BTN3A1: variants seen among roughly 807,000 people sequenced by gnomAD.
BTN3A1 encodes the protein butyrophilin subfamily 3 member A1.
A neutral mutation model predicts 43.0 loss-of-function variants in BTN3A1; 24 were observed. The observed-to-expected ratio is 0.56, with a 90% CI of 0.40 to 0.78. The LOEUF (loss-of-function observed/expected upper bound fraction) is 0.78. Among genes scored for constraint, BTN3A1 ranks in the 30% least tolerant of loss-of-function variants. The pLI is 0.00. For synonymous variants in BTN3A1, 181 were observed against 234.7 expected (o/e 0.77, Z 2.09); for missense variants, 533 against 626.2 (o/e 0.85, Z 1.59).
In BTN3A1 at chr6:26,413,203, C is replaced by G; in HGVS notation, c.1053C>G (p.Pro351=). Residue 351 remains proline, a synonymous_variant, in exon 10 of 10, where the codon CCC becomes CCG. Transcript: ENST00000289361. ...TTCTGGATCCAAAAACAGCAAACCCCATCCTCCTTGTTTCTGAGGACCAGA... is the reference window on the plus strand; with the variant it reads ...TTCTGGATCCAAAAACAGCAAACCCGATCCTCCTTGTTTCTGAGGACCAGA... The part of the protein sequence containing the change: ...DVILDPKTAN[P]ILLVSEDQRS... 1 of 1,613,968 alleles carries G rather than the reference C, an allele frequency of 6.2e-7. No homozygotes were observed. Among genetic ancestry groups the G allele is most frequent in the Non-Finnish European group, 8.5e-7 (1 of 1,179,914 alleles).
At chr6:26,405,751 A>C in intron 2 of BTN3A1, 103 bp downstream of exon 2, 1 of 1,580,254 alleles carries the variant, frequency 6.3e-7, no homozygotes, top group Admixed American at 1.7e-5. Context: ...TCCCGATCTG[A>C]AGGTTCACCC....
At chr6:26,405,236 G>C (rs980132114) in intron 1 of BTN3A1, 136 bp from the exon 2 acceptor site, 2 of 398,724 alleles carry the variant, frequency 5.0e-6, no homozygotes, top group African/African-American at 4.0e-5. Context: ...GCATGAATCA[G>C]AGGGGGATTG....
intron 9 of BTN3A1, chr6:26,412,730 C>T: frequency 6.4e-7 from 1 of 1,551,396 alleles, no homozygotes; most frequent in South Asian, 1.2e-5. Flanking sequence ...AGATGAGGCT[C>T]CACTTTGTTA....
intron 7 of BTN3A1, 28 bp from the exon 8 acceptor site, chr6:26,411,081 T>G (rs1352471136): frequency 2.5e-6 from 4 of 1,586,082 alleles, no homozygotes; most frequent in Non-Finnish European, 2.6e-6. Flanking sequence ...CAAGTTCAGG[T>G]GACATCTCTA....
In BTN3A1 at chr6:26,410,047, C is replaced by G. The variant is rs778349430; in HGVS notation, c.964+15C>G. On this transcript the variant is annotated intron_variant, in intron 7 of 9. Transcript: ENST00000289361. ...GTATGCATCTCGTAAGTGCCTCTGACATTTTCTCTGAATTTGAATCTATAA... is the reference window on the plus strand; with the variant it reads ...GTATGCATCTCGTAAGTGCCTCTGAGATTTTCTCTGAATTTGAATCTATAA... 1 of 1,613,760 alleles carries G rather than the reference C, an allele frequency of 6.2e-7. No individual in the cohort carries two copies. Among genetic ancestry groups the G allele is most frequent in the South Asian group, 1.1e-5 (1 of 91,068 alleles).
Position 26,411,095 on chromosome 6 carries a change from T to G in BTN3A1, c.965-14T>G. The G allele has an allele frequency of 6.2e-7, 1 of 1,605,250 alleles. No homozygotes were observed. Among genetic ancestry groups the G allele is most frequent in the Non-Finnish European group, 8.5e-7 (1 of 1,176,298 alleles). On this transcript the variant is annotated splice_polypyrimidine_tract_variant and intron_variant, in intron 7 of 9. Coordinates refer to ENST00000289361, the MANE Select transcript of BTN3A1 (RefSeq NM_007048.6). ...GCAAGTTCAGGTGACATCTCTATCT[T>G]TTTTTCATTGTAGGGGGAGAGAGAC...
intron 4 of BTN3A1, among the ~76,000 whole-genome samples, chr6:26,408,388 CTCAT>C (rs1190760534): frequency 3.3e-5 from 5 of 152,110 alleles, no homozygotes; most frequent in Admixed American, 3.3e-4. Context: ...AGTGTTCGTT[CTCAT>C]TCATTAGAGA....
At chr6:26,405,760 C>T in intron 2 of BTN3A1, 112 bp downstream of exon 2, 3 of 1,578,506 alleles carry the variant, frequency 1.9e-6, no homozygotes, top group Non-Finnish European at 2.6e-6. Flanking sequence ...GAAGGTTCAC[C>T]CGTCACTAAG....
At position 26,412,462 on chromosome 6, in the gene BTN3A1, G is replaced by A. The variant is rs558114756; in HGVS notation, c.1019-707G>A. 57 of 1,499,442 alleles carry A rather than the reference G, an allele frequency of 3.8e-5. No individual in the cohort carries two copies. The East Asian group carries it at 1.3e-3, about 34-fold the overall frequency. The allele number at this position is 1,499,442 out of a possible 1,614,324, so 92.9% of individuals were successfully genotyped here. ...GCAAACCAGAGGACAAGGGAGCCCA[G>A]TGGCACTGTCTCAGGAATCTGCCCA... On this transcript the variant is annotated intron_variant, in intron 9 of 9. Coordinates refer to ENST00000289361, the MANE Select transcript of BTN3A1 (RefSeq NM_007048.6).
chr6:26,414,086 T>C lies in BTN3A1; in HGVS notation c.*394T>C. ...AACATTAATGGAGAACTTAAAATGC[T>C]CTGAGTGCTGTGTTATGAGCTTTGG... On this transcript the variant is annotated 3_prime_UTR_variant, in exon 10 of 10. Transcript: ENST00000289361. 3.4e-6 allele frequency: 1 copy of C among 292,120 alleles called. No homozygotes were observed. Among genetic ancestry groups the C allele is most frequent in the South Asian group, 3.4e-5 (1 of 29,046 alleles). The allele number at this position is 292,120 out of a possible 1,614,324, so 18.1% of individuals were successfully genotyped here.
At chr6:26,412,933 A>T (rs1762268960) in intron 9 of BTN3A1, 3 of 1,459,526 alleles carry the variant, frequency 2.1e-6, no homozygotes, top group Non-Finnish European at 1.8e-6. Context: ...GTATTGGGTT[A>T]GGCAGAGATG....
At position 26,413,895 on chromosome 6, in the gene BTN3A1, CACTTT is replaced by C. The variant is rs1337966783; in HGVS notation, c.*207_*211del. 1.8e-5 allele frequency: 16 copies of C among 870,158 alleles called. No homozygotes were observed. Among genetic ancestry groups the C allele is most frequent in the Non-Finnish European group, 2.6e-5 (15 of 568,214 alleles). 53.9% of individuals were successfully genotyped at this position (870,158 alleles called of 1,614,324 possible). A position where few individuals can be genotyped will look rare whatever the true frequency, so the allele number is the denominator to read the frequency against. On this transcript the variant is annotated 3_prime_UTR_variant, in exon 10 of 10. Transcript: ENST00000289361. ...ATAAAGCTACAAGCACGCACTGAAG[CACTTT>C]ACTGATACTCATTCAATTATTCATA...
chr6:26,408,504 A>G (rs1403861684), intron 4 of BTN3A1, among the ~76,000 whole-genome samples: 1 of 152,106 alleles, frequency 6.6e-6, no homozygotes, highest in African/African-American at 2.4e-5. Flanking sequence ...GAAGGCTGTG[A>G]CTCCTAGGCA....
At chr6:26,410,132 T>C in intron 7 of BTN3A1, 100 bp downstream of exon 7, 1 of 1,472,606 alleles carries the variant, frequency 6.8e-7, no homozygotes, top group Non-Finnish European at 9.5e-7. Context: ...GAAGTGGTCT[T>C]AGATCCCTTT....
chr6:26,402,956 GT>G (rs1217142174), intron 1 of BTN3A1, among the ~76,000 whole-genome samples: 1 of 152,144 alleles, frequency 6.6e-6, no homozygotes, highest in Non-Finnish European at 1.5e-5. Context: ...ATTAAACCTT[GT>G]TTTAAAATCT....
chr6:26,411,641 CT>C, intron 9 of BTN3A1, 60 bp downstream of exon 9: 1 of 1,560,078 alleles, frequency 6.4e-7, no homozygotes, highest in South Asian at 1.2e-5. Flanking sequence ...TTCCTTTTTC[CT>C]TTTTACTTCT....
At chr6:26,409,298 A>G (rs1031641269) in intron 4 of BTN3A1, among the ~76,000 whole-genome samples, 1 of 152,178 alleles carries the variant, frequency 6.6e-6, no homozygotes, top group Non-Finnish European at 1.5e-5. Flanking sequence ...CAAGTCACTC[A>G]CTTTCCACAT....
chr6:26,403,256 G>T (rs1761909724), intron 1 of BTN3A1, among the ~76,000 whole-genome samples: 1 of 151,904 alleles, frequency 6.6e-6, no homozygotes, highest in Admixed American at 6.6e-5. Context: ...AGTAGATTCG[G>T]AGTTTCGCCA....
At chr6:26,404,258 C>T (rs562155751) in intron 1 of BTN3A1, 2 of 152,284 alleles carry the variant, frequency 1.3e-5, no homozygotes, top group East Asian at 3.9e-4. Context: ...TAATATGTTC[C>T]CGTCACTATT....
Sources: gnomAD v4.1 joint callset for allele counts (sites outside exome capture counted in the v4.1 genomes callset) on GRCh38, gnomAD v4.1.1 for gene constraint, MANE v1.5 for transcripts, NCBI Gene and HGNC (gene_info 2026-07-23, HGNC 2026-07-21) for gene names.